Variants in RFFL observed in about 807,000 individuals in gnomAD.
RFFL encodes the protein E3 ubiquitin-protein ligase rififylin.
In RFFL, 16 loss-of-function variants were observed where a neutral mutation model predicts 40.4. That is an observed-to-expected ratio of 0.40 (90% CI 0.27 to 0.60). The LOEUF is 0.60. RFFL is among the 20% of genes least tolerant of loss of function. The probability of loss-of-function intolerance (pLI) is 0.47; values close to 1 mark genes in which losing one functional copy is unlikely to be tolerated. For synonymous variants in RFFL, 154 were observed against 167.9 expected, an observed-to-expected ratio of 0.92 and a Z score of 0.64; for missense variants, 367 against 451.7, an observed-to-expected ratio of 0.81 and a Z score of 1.70.
chr17:35,050,339 T>C (rs1341178223), intron 1 of RFFL, among the ~76,000 whole-genome samples: 1 of 151,964 alleles, frequency 6.6e-6, no homozygotes. Context: ...GGAGAATCAC[T>C]TGAGGCCAGG....
intron 1 of RFFL, among the ~76,000 whole-genome samples, chr17:35,074,634 C>T (rs1461854431): frequency 5.9e-5 from 9 of 152,152 alleles, no homozygotes; most frequent in Non-Finnish European, 1.3e-4. Context: ...ACACAGATAA[C>T]ACCTACACAC....
chr17:35,080,238 C>A (rs1242904925), intron 1 of RFFL, among the ~76,000 whole-genome samples: 1 of 152,124 alleles, frequency 6.6e-6, no homozygotes, highest in African/African-American at 2.4e-5. Flanking sequence ...ACAATCCAAC[C>A]CAACTGCAAA....
upstream of RFFL, among the ~76,000 whole-genome samples, chr17:35,066,962 A>C (rs1242084858): frequency 6.6e-6 from 1 of 152,086 alleles, no homozygotes; most frequent in Non-Finnish European, 1.5e-5. Flanking sequence ...ACAGAAATTA[A>C]ACATGAAAAA....
At chr17:35,077,221 G>A (rs2091381674) in intron 1 of RFFL, among the ~76,000 whole-genome samples, 1 of 151,904 alleles carries the variant, frequency 6.6e-6, no homozygotes, top group South Asian at 2.1e-4. Context: ...TCCCCAGGTA[G>A]GAATGGGAGC....
intron 2 of RFFL, among the ~76,000 whole-genome samples, chr17:35,024,276 T>G (rs2091027792): frequency 6.6e-6 from 1 of 152,150 alleles, no homozygotes; most frequent in Non-Finnish European, 1.5e-5. Context: ...CATGAGAGAA[T>G]GTATATAAAA....
chr17:35,035,950 G>A (rs2091119369), intron 1 of RFFL, among the ~76,000 whole-genome samples: 1 of 151,960 alleles, frequency 6.6e-6, no homozygotes, highest in South Asian at 2.1e-4. Context: ...TGATACACCT[G>A]CCTCAGCCTC....
chr17:35,030,588 C>G (rs2091076560), intron 1 of RFFL, among the ~76,000 whole-genome samples: 2 of 152,004 alleles, frequency 1.3e-5, no homozygotes. Flanking sequence ...GCGTGAACCA[C>G]CATGCCCAGC....
At chr17:35,080,301 G>A (rs1161034500) in intron 1 of RFFL, among the ~76,000 whole-genome samples, 6 of 152,186 alleles carry the variant, frequency 3.9e-5, no homozygotes, top group Admixed American at 3.9e-4. Context: ...AGTTGATAGA[G>A]GATGAAGCTT....
chr17:35,083,283 T>C (rs1177147940), intron 1 of RFFL, among the ~76,000 whole-genome samples: 2 of 152,196 alleles, frequency 1.3e-5, no homozygotes, highest in African/African-American at 2.4e-5. Context: ...CCCTCCCTCA[T>C]GACTCCTGAT....
chr17:35,075,531 G>A (rs1234613639), intron 1 of RFFL, among the ~76,000 whole-genome samples: 1 of 152,122 alleles, frequency 6.6e-6, no homozygotes, highest in Non-Finnish European at 1.5e-5. Context: ...GTGAACAATT[G>A]AAACTTTCTC....
intron 2 of RFFL, among the ~76,000 whole-genome samples, chr17:35,025,502 G>A (rs2091035566): frequency 6.6e-6 from 1 of 152,164 alleles, no homozygotes; most frequent in Non-Finnish European, 1.5e-5. Context: ...TAGCTATTGT[G>A]AGGATTAAAT....
upstream of RFFL, among the ~76,000 whole-genome samples, chr17:35,065,924 AAAT>A (rs1480315444): frequency 6.6e-6 from 1 of 152,162 alleles, no homozygotes; most frequent in Non-Finnish European, 1.5e-5. Context: ...GCTATGGGAG[AAAT>A]AATAACTGTG....
upstream of RFFL, among the ~76,000 whole-genome samples, chr17:35,064,676 A>G (rs1401201803): frequency 6.6e-6 from 1 of 152,172 alleles, no homozygotes; most frequent in Non-Finnish European, 1.5e-5. Flanking sequence ...CAAGGCCATC[A>G]GCTATTTCTT....
chr17:35,088,625 C>G (rs1243807096), intron 1 of RFFL: 9 of 152,578 alleles, frequency 5.9e-5, no homozygotes, highest in Admixed American at 5.9e-4. Flanking sequence ...GAACCGCATT[C>G]CCAAACTTCT....
intron 1 of RFFL, among the ~76,000 whole-genome samples, chr17:35,034,508 T>C (rs1407685268): frequency 3.3e-5 from 5 of 151,938 alleles, no homozygotes; most frequent in African/African-American, 4.8e-5. Context: ...GAAAGTTGTA[T>C]ATTGTTTAAA....
intron 1 of RFFL, among the ~76,000 whole-genome samples, chr17:35,047,169 G>A (rs1394825191): frequency 6.6e-6 from 1 of 152,164 alleles, no homozygotes; most frequent in Non-Finnish European, 1.5e-5. Context: ...CACAATGACT[G>A]ACTAATGGGT....
At chr17:35,014,526 G>A (rs1255035576) in intron 6 of RFFL, among the ~76,000 whole-genome samples, 7 of 152,160 alleles carry the variant, frequency 4.6e-5, no homozygotes, top group African/African-American at 1.7e-4. Context: ...CAGTCAGTCC[G>A]CCCCTACGTA....
In RFFL at chr17:35,039,054, G is replaced by A. The variant is rs114691578; in HGVS notation, c.-8-12493C>T. 6.7e-3 allele frequency among the ~76,000 whole-genome samples: 1,009 copies of A among 151,186 alleles called. 9 individuals are homozygous for A. Among genetic ancestry groups the A allele is most frequent in the African/African-American group, 0.023 (943 of 41,152 alleles). ...ATGCCGAGTAGCTGGGACTACAGGC[G>A]CGCACCACCACACCTAATTTTTTGT... On this transcript the variant is annotated intron_variant, in intron 1 of 6. Coordinates refer to ENST00000394597, the MANE Select transcript of RFFL (RefSeq NM_001017368.2).
At chr17:35,088,712 T>C (rs1214406563) in intron 1 of RFFL, 1 of 152,258 alleles carries the variant, frequency 6.6e-6, no homozygotes, top group Non-Finnish European at 1.5e-5. Flanking sequence ...GGCTGGTTCC[T>C]TTAAAGGGGT....
Sources: gnomAD v4.1 joint callset for allele counts (sites outside exome capture counted in the v4.1 genomes callset) on GRCh38, gnomAD v4.1.1 for gene constraint, MANE v1.5 for transcripts, NCBI Gene and HGNC (gene_info 2026-07-23, HGNC 2026-07-21) for gene names.